The following KREMEN1 variants were observed in gnomAD, a reference collection of about 807,000 sequenced individuals.
KREMEN1 encodes kringle containing transmembrane protein 1, also known as kremen protein 1.
Under a neutral mutation model 46.5 loss-of-function variants are expected in KREMEN1, and 30 were observed. The observed-to-expected ratio is 0.65, with a 90% CI of 0.48 to 0.88. The LOEUF (loss-of-function observed/expected upper bound fraction) is 0.88. KREMEN1 is among the 40% of genes least tolerant of loss of function. The probability of loss-of-function intolerance (pLI) is 0.00; values close to 1 mark genes in which losing one functional copy is unlikely to be tolerated. For missense variants in KREMEN1, 533 were observed against 596.9 expected, an observed-to-expected ratio of 0.89 and a Z score of 1.11; for synonymous variants, 214 against 230.6, an observed-to-expected ratio of 0.93 and a Z score of 0.65.
rs781258854 is a variant in KREMEN1, at chr22:29,094,355, G to A, written c.195G>A (p.Gln65=). 7 of 1,613,982 alleles carry A rather than the reference G, an allele frequency of 4.3e-6. No homozygotes were observed. The South Asian group carries it at 7.7e-5, about 18-fold the overall frequency. ...GTCTGTTTTGGAACGAGACTTTCCA[G>A]CATCCATACAACACTCTGAAATACC... ...KPCLFWNETF[Q]HPYNTLKYPN... is the part of the protein sequence containing the mutation. Residue 65 remains glutamine (Q), a synonymous_variant, in exon 2 of 9, where the codon CAG becomes CAA. Coordinates refer to ENST00000400335, the MANE Select transcript of KREMEN1 (RefSeq NM_001039570.3).
chr22:29,147,451 T>A (rs1014237755), downstream of KREMEN1, among the ~76,000 whole-genome samples: 1 of 152,212 alleles, frequency 6.6e-6, no homozygotes, highest in Admixed American at 6.5e-5. Flanking sequence ...TTTCCCTCTT[T>A]GGCAGATGAG....
At chr22:29,077,102 G>A (rs73882457) in intron 1 of KREMEN1, among the ~76,000 whole-genome samples, 1,809 of 152,268 alleles carry the variant, frequency 0.012, 46 homozygotes, top group African/African-American at 0.041. Flanking sequence ...TTTTGGTGAT[G>A]GGGAATATAC....
At position 29,140,380 on chromosome 22, in the gene KREMEN1, G is replaced by A; in HGVS notation, c.1208+14G>A. The A allele has an allele frequency of 1.9e-6, 3 of 1,584,532 alleles. No individual in the cohort carries two copies. The highest frequency in any genetic ancestry group is 1.7e-6 in the Non-Finnish European group (2 of 1,153,246). Reference sequence around the variant, plus strand: ...CGTCACATTCAAGTGAGTACAAGAGGGAGCTGCCCAATTCCAGGAAAGGGA... The same window carrying A: ...CGTCACATTCAAGTGAGTACAAGAGAGAGCTGCCCAATTCCAGGAAAGGGA... On this transcript the variant is annotated intron_variant, in intron 8 of 8. Coordinates refer to ENST00000400335, the MANE Select transcript of KREMEN1 (RefSeq NM_001039570.3).
chr22:29,089,540 G>T (rs134649), intron 1 of KREMEN1, among the ~76,000 whole-genome samples: 74,716 of 151,982 alleles, frequency 0.49, 19,123 homozygotes, highest in Middle Eastern at 0.61. Flanking sequence ...GGTCCTGCCT[G>T]TCAGTTGTTT....
chr22:29,132,974 TG>T (rs1404707666), intron 5 of KREMEN1, among the ~76,000 whole-genome samples: 1 of 152,126 alleles, frequency 6.6e-6, no homozygotes, highest in African/African-American at 2.4e-5. Flanking sequence ...TGAGGCCGGA[TG>T]TGGTGGCTCA....
intron 9 of KREMEN1, among the ~76,000 whole-genome samples, chr22:29,154,051 T>C (rs1047466846): frequency 2.6e-5 from 4 of 151,642 alleles, no homozygotes; most frequent in African/African-American, 9.7e-5. Context: ...ATAAGAAAGG[T>C]ACAATATTTA....
At chr22:29,114,486 C>CAAAAAAA (rs134685) in intron 3 of KREMEN1, among the ~76,000 whole-genome samples, 3 of 88,076 alleles carry the variant, frequency 3.4e-5, no homozygotes, top group Admixed American at 1.4e-4. Flanking sequence ...AACTCCGTGT[C>CAAAAAAA]AAAAAAAAAA....
chr22:29,151,883 G>A (rs894821335), intron 9 of KREMEN1, among the ~76,000 whole-genome samples: 1 of 151,970 alleles, frequency 6.6e-6, no homozygotes, highest in African/African-American at 2.4e-5. Context: ...GGTAGCACAT[G>A]CCTGTAATCC....
rs548834325 is a variant in KREMEN1, at chr22:29,133,076, G to A, written c.632-4266G>A. On this transcript the variant is annotated intron_variant, in intron 5 of 8. Coordinates refer to ENST00000400335, the MANE Select transcript of KREMEN1 (RefSeq NM_001039570.3). Reference sequence around the variant, plus strand: ...ATCCTGGCGAACACGGTGAAACCCCGTCTCTACTAAAAATACAAAAAATTA... The same window carrying A: ...ATCCTGGCGAACACGGTGAAACCCCATCTCTACTAAAAATACAAAAAATTA... Among the ~76,000 whole-genome samples, 236 of 151,920 alleles carry A rather than the reference G, an allele frequency of 1.6e-3. 1 individual carries two copies. Among genetic ancestry groups the A allele is most frequent in the African/African-American group, 5.5e-3 (228 of 41,452 alleles).
chr22:29,108,370 A>C (rs939026001), intron 3 of KREMEN1, among the ~76,000 whole-genome samples: 1 of 152,226 alleles, frequency 6.6e-6, no homozygotes, highest in African/African-American at 2.4e-5. Flanking sequence ...TGGTGGAAAG[A>C]TGGAAAGAAT....
intron 3 of KREMEN1, among the ~76,000 whole-genome samples, chr22:29,101,723 G>C (rs920257415): frequency 1.3e-5 from 2 of 152,212 alleles, no homozygotes; most frequent in Non-Finnish European, 2.9e-5. Flanking sequence ...ACAGTAACAT[G>C]CTGCTCAGGT....
chr22:29,084,151 A>G (rs2037698004), intron 1 of KREMEN1, among the ~76,000 whole-genome samples: 1 of 152,016 alleles, frequency 6.6e-6, no homozygotes, highest in Admixed American at 6.6e-5. Flanking sequence ...GCATGCTAAT[A>G]TATTATAATT....
intron 5 of KREMEN1, 109 bp downstream of exon 5, chr22:29,125,525 A>G: frequency 9.0e-7 from 1 of 1,111,466 alleles, no homozygotes; most frequent in South Asian, 1.5e-5. Flanking sequence ...TTCACTTGGC[A>G]ATAGACAATA....
intron 9 of KREMEN1, among the ~76,000 whole-genome samples, chr22:29,166,183 C>T (rs2039051427): frequency 6.6e-6 from 1 of 152,134 alleles, no homozygotes; most frequent in African/African-American, 2.4e-5. Context: ...TACACATGCA[C>T]ACTCGCCTCC....
chr22:29,161,748 A>C (rs1034027458), intron 9 of KREMEN1, among the ~76,000 whole-genome samples: 4 of 152,104 alleles, frequency 2.6e-5, no homozygotes, highest in African/African-American at 7.2e-5. Context: ...GAAAAAAGAA[A>C]GCTTCAGGCC....
At chr22:29,114,351 T>C (rs2038199622) in intron 3 of KREMEN1, among the ~76,000 whole-genome samples, 1 of 151,934 alleles carries the variant, frequency 6.6e-6, no homozygotes, top group Non-Finnish European at 1.5e-5. Context: ...CTAGGCATGG[T>C]GGCGGGCACC....
At position 29,131,698 on chromosome 22, in the gene KREMEN1, GTGTATATATA is replaced by G. The variant is rs1180946417; in HGVS notation, c.632-5634_632-5625del. On this transcript the variant is annotated intron_variant, in intron 5 of 8. Transcript: ENST00000400335. The stretch of plus-strand genomic sequence containing the variant: ...TATATGCATATATACATGTATATAT[GTGTATATATA>G]TGTATATATGTATATATATGTATAT... 2.4e-4 allele frequency among the ~76,000 whole-genome samples: 28 copies of G among 116,894 alleles called. 2 individuals carry two copies. The highest frequency in any genetic ancestry group is 7.9e-4 in the African/African-American group (21 of 26,690). 76.7% of individuals were successfully genotyped at this position (116,894 alleles called of 152,430 possible). A position where few individuals can be genotyped will look rare whatever the true frequency, so the allele number is the denominator to read the frequency against.
At chr22:29,161,213 T>C (rs998363288) in intron 9 of KREMEN1, among the ~76,000 whole-genome samples, 4 of 152,078 alleles carry the variant, frequency 2.6e-5, no homozygotes, top group African/African-American at 7.2e-5. Context: ...TGTTCAGAAA[T>C]TGAATCAGCA....
intron 5 of KREMEN1, among the ~76,000 whole-genome samples, chr22:29,134,663 T>G (rs2038628683): frequency 6.6e-6 from 1 of 152,222 alleles, no homozygotes; most frequent in Non-Finnish European, 1.5e-5. Flanking sequence ...TGTTTACACC[T>G]GGGCAGATCT....
Sources: allele counts gnomAD v4.1 joint callset (sites outside exome capture counted in the v4.1 genomes callset), GRCh38; gene constraint gnomAD v4.1.1; transcripts MANE v1.5; gene names NCBI Gene and HGNC (gene_info 2026-07-23, HGNC 2026-07-21).